FBN2: variants seen among roughly 807,000 people sequenced by gnomAD.
FBN2 encodes fibrillin 2.
FBN2 carries 105 observed loss-of-function variants against 355.6 expected under a neutral mutation model. The observed-to-expected ratio is 0.30, with a 90% CI of 0.25 to 0.35. FBN2 has a LOEUF of 0.35. FBN2 is among the 10% of genes least tolerant of loss of function. FBN2 has a pLI of 1.00. For missense variants in FBN2, 3,280 were observed against 3,758.7 expected (o/e 0.87, Z 3.33); for synonymous variants, 1,350 against 1,301.2 (o/e 1.04, Z -0.81).
chr5:128,291,728 A>T (rs1749328861), intron 48 of FBN2, 74 bp from the exon 49 acceptor site: 7 of 1,307,140 alleles, frequency 5.4e-6, no homozygotes, highest in South Asian at 1.2e-5. Context: ...ATCACTGTCC[A>T]CTAGCCAGCT....
At chr5:128,499,494 G>A (rs1269595124) in intron 5 of FBN2, among the ~76,000 whole-genome samples, 1 of 152,110 alleles carries the variant, frequency 6.6e-6, no homozygotes, top group East Asian at 1.9e-4. Flanking sequence ...ATTGATAGGG[G>A]ATGAAGCCTG....
At position 128,537,456 on chromosome 5, in the gene FBN2, C is replaced by T. The variant is rs1469843755; in HGVS notation, c.148G>A (p.Ala50Thr). 2.5e-6 allele frequency: 4 copies of T among 1,606,590 alleles called. No homozygotes were observed. The highest frequency in any genetic ancestry group is 3.4e-6 in the Non-Finnish European group (4 of 1,177,816). ...AACCCGCCTTCAGAGCCTGCTGTAG[C>T]GGACCGAACCTGTTGCGGCGGCGGC... ...PQPPPQQVRS[A>T]TAGSEGGFLA... Residue 50 changes from alanine (A) to threonine (T), a missense_variant, in exon 1 of 65, where the codon GCT (alanine) becomes ACT (threonine). Around this residue, in one of 6 missense-constraint regions of FBN2, gnomAD observed 203 missense variants for 142.2 expected, o/e 1.43. Coordinates refer to ENST00000262464, the MANE Select transcript of FBN2 (RefSeq NM_001999.4).
intron 6 of FBN2, 123 bp downstream of exon 6, chr5:128,464,601 C>T (rs941770068): frequency 2.2e-5 from 23 of 1,045,076 alleles, no homozygotes; most frequent in South Asian, 1.8e-4. Context: ...GGGTTGTTAA[C>T]GAGGCCACTC....
intron 5 of FBN2, among the ~76,000 whole-genome samples, chr5:128,517,786 C>T (rs192721821): frequency 6.6e-6 from 1 of 151,996 alleles, no homozygotes; most frequent in Non-Finnish European, 1.5e-5. Context: ...TGTATATAAA[C>T]CTTGACCCCT....
At chr5:128,288,624 C>A in intron 52 of FBN2, 67 bp from the exon 53 acceptor site, 1 of 1,568,806 alleles carries the variant, frequency 6.4e-7, no homozygotes, top group Non-Finnish European at 8.7e-7. Flanking sequence ...CCCAGGAAGA[C>A]CCATGCTTGG....
chr5:128,378,893 G>C lies in FBN2; in HGVS notation c.1604-3C>G. 6.2e-7 allele frequency: 1 copy of C among 1,612,940 alleles called. No individual in the cohort carries two copies. Among genetic ancestry groups the C allele is most frequent in the Non-Finnish European group, 8.5e-7 (1 of 1,179,172 alleles). ...ATTTGATGTGCATTCATCAACATCTGTGAGCAGCAAAAGAAACCATTATAG... is the reference window on the plus strand; with the variant it reads ...ATTTGATGTGCATTCATCAACATCTCTGAGCAGCAAAAGAAACCATTATAG... On this transcript the variant is annotated splice_region_variant and splice_polypyrimidine_tract_variant and intron_variant, in intron 11 of 64. Coordinates refer to ENST00000262464, the MANE Select transcript of FBN2 (RefSeq NM_001999.4).
At chr5:128,535,828 A>AAC (rs1554076367) in intron 2 of FBN2, among the ~76,000 whole-genome samples, 3 of 152,058 alleles carry the variant, frequency 2.0e-5, no homozygotes, top group Non-Finnish European at 4.4e-5. Context: ...AAAAAAAAAA[A>AAC]AAAACTCAAG....
chr5:128,453,242 T>C (rs994489900), intron 6 of FBN2, among the ~76,000 whole-genome samples: 2 of 152,224 alleles, frequency 1.3e-5, no homozygotes, highest in African/African-American at 4.8e-5. Flanking sequence ...CTCGATCTTA[T>C]CTTCACAAAT....
intron 48 of FBN2, among the ~76,000 whole-genome samples, chr5:128,295,939 T>A (rs1240020983): frequency 1.4e-5 from 2 of 145,460 alleles, no homozygotes; most frequent in African/African-American, 5.2e-5. Flanking sequence ...ATGCTTCCAG[T>A]TTTTGCCCAT....
At chr5:128,316,824 C>T (rs570503286) in intron 36 of FBN2, among the ~76,000 whole-genome samples, 24 of 152,250 alleles carry the variant, frequency 1.6e-4, no homozygotes, top group African/African-American at 5.3e-4. Context: ...TGCCTGTTCA[C>T]AGCCTTTGTT....
At chr5:128,478,182 G>A (rs1270394150) in intron 5 of FBN2, among the ~76,000 whole-genome samples, 2 of 152,144 alleles carry the variant, frequency 1.3e-5, no homozygotes, top group Non-Finnish European at 2.9e-5. Flanking sequence ...TTTTTGCAAC[G>A]CTGAGGGAGG....
chr5:128,451,688 C>T (rs1754253037), intron 6 of FBN2, among the ~76,000 whole-genome samples: 1 of 152,194 alleles, frequency 6.6e-6, no homozygotes, highest in African/African-American at 2.4e-5. Flanking sequence ...GCATGAGCCA[C>T]TGCGCACAGC....
chr5:128,449,646 AAAG>A (rs1486393301), intron 6 of FBN2, among the ~76,000 whole-genome samples: 2 of 151,648 alleles, frequency 1.3e-5, no homozygotes, highest in African/African-American at 4.8e-5. Flanking sequence ...AAAGAGTAAC[AAAG>A]AATAGGTGAG....
chr5:128,292,253 G>A (rs946126817), intron 48 of FBN2, among the ~76,000 whole-genome samples: 1 of 152,062 alleles, frequency 6.6e-6, no homozygotes, highest in Non-Finnish European at 1.5e-5. Context: ...TGGAAATGGA[G>A]GGCTGAGACA....
At chr5:128,427,508 TCTTCTTGAGGCAC>T (rs1753513357) in intron 7 of FBN2, among the ~76,000 whole-genome samples, 1 of 152,180 alleles carries the variant, frequency 6.6e-6, no homozygotes, top group Admixed American at 6.5e-5. Context: ...CTTCTAAAGT[TCTTCTTGAGGCAC>T]CTGGAGAAAG....
At chr5:128,363,569 A>G (rs1435397712) in intron 18 of FBN2, among the ~76,000 whole-genome samples, 31 of 152,170 alleles carry the variant, frequency 2.0e-4, no homozygotes, top group Non-Finnish European at 4.4e-5. Flanking sequence ...GAAATCTTAA[A>G]ACCCAGTATC....
chr5:128,300,967 T>C (rs907111652), intron 47 of FBN2, 31 bp from the exon 48 acceptor site: 3 of 1,604,260 alleles, frequency 1.9e-6, no homozygotes, highest in Non-Finnish European at 2.6e-6. Context: ...AAAAATAATT[T>C]AAGCATGAGA....
intron 5 of FBN2, among the ~76,000 whole-genome samples, chr5:128,499,118 T>C (rs954778570): frequency 6.6e-6 from 1 of 152,158 alleles, no homozygotes; most frequent in Admixed American, 6.5e-5. Context: ...GAGAAAACCT[T>C]AACATAAAGT....
At chr5:128,358,179 T>TG (rs1751551906) in intron 19 of FBN2, among the ~76,000 whole-genome samples, 1 of 152,112 alleles carries the variant, frequency 6.6e-6, no homozygotes, top group East Asian at 1.9e-4. Context: ...TAATGTGAAA[T>TG]AGTTTAACAC....
Sources: allele counts gnomAD v4.1 joint callset (sites outside exome capture counted in the v4.1 genomes callset), GRCh38; gene constraint gnomAD v4.1.1; regional missense constraint gnomAD v4.1.1; transcripts MANE v1.5; gene names NCBI Gene and HGNC (gene_info 2026-07-23, HGNC 2026-07-21).